NSA2: variants seen among roughly 807,000 people sequenced by gnomAD.
The protein encoded by NSA2 is NSA2 ribosome biogenesis factor, also known as ribosome biogenesis protein NSA2 homolog.
Under a neutral mutation model 34.8 loss-of-function variants are expected in NSA2, and 18 were observed. That is an observed-to-expected ratio of 0.52 (90% CI 0.36 to 0.77). The LOEUF (loss-of-function observed/expected upper bound fraction) is 0.77, where lower values mean the gene tolerates loss of function less well. NSA2 is among the 30% of genes least tolerant of loss of function. The pLI, the probability that NSA2 is intolerant of heterozygous loss-of-function variation, is 0.00. For synonymous variants in NSA2, 79 were observed against 100.2 expected, an observed-to-expected ratio of 0.79 and a Z score of 1.26; for missense variants, 188 against 314.7, an observed-to-expected ratio of 0.60 and a Z score of 3.05.
Position 74,769,077 on chromosome 5 carries a change from C to T in NSA2, c.150C>T (p.Tyr50=). ...TGATTGGTCTGAAGGCTAAGCTTTA[C>T]CATAAACAGCGTCATGCTGAGAAAA... The part of the protein sequence containing the change: ...KKMIGLKAKL[Y]HKQRHAEKIQ... The change falls in exon 2 of 6, where the codon TAC becomes TAT. Residue 50 remains tyrosine, a synonymous_variant. Coordinates refer to ENST00000610426, the MANE Select transcript of NSA2 (RefSeq NM_014886.6). The T allele has an allele frequency of 6.2e-7, 1 of 1,612,060 alleles. No individual in the cohort carries two copies. The highest frequency in any genetic ancestry group is 1.3e-5 in the African/African-American group (1 of 74,854).
At chr5:74,772,967 A>T (rs1744994220) in intron 4 of NSA2, among the ~76,000 whole-genome samples, 1 of 152,210 alleles carries the variant, frequency 6.6e-6, no homozygotes, top group Non-Finnish European at 1.5e-5. Flanking sequence ...AGTTTCTGTA[A>T]CAAAGACTCC....
In NSA2 at chr5:74,773,925, C is replaced by T; in HGVS notation, c.580C>T (p.Leu194=). 6.2e-7 allele frequency: 1 copy of T among 1,613,928 alleles called. No individual in the cohort carries two copies. Among genetic ancestry groups the T allele is most frequent in the Non-Finnish European group, 8.5e-7 (1 of 1,179,856 alleles). ...THPELKATFC[L]PILGVKKNPS... Reference sequence around the variant, plus strand: ...TCCTGAACTGAAAGCCACCTTTTGCCTACCAATACTTGGTGTAAAGAAGAA... The same window carrying T: ...TCCTGAACTGAAAGCCACCTTTTGCTTACCAATACTTGGTGTAAAGAAGAA... The change falls in exon 5 of 6, where the codon CTA becomes TTA. Residue 194 remains leucine (L), a synonymous_variant. Coordinates refer to ENST00000610426, the MANE Select transcript of NSA2 (RefSeq NM_014886.6).
chr5:74,776,043 A>G (rs1580059500), intron 5 of NSA2, among the ~76,000 whole-genome samples: 2 of 152,360 alleles, frequency 1.3e-5, no homozygotes, highest in East Asian at 3.9e-4. Flanking sequence ...AAGCCTGTTA[A>G]TGCAATGTAC....
At chr5:74,774,711 GAGGA>G (rs1745055385) in intron 5 of NSA2, among the ~76,000 whole-genome samples, 1 of 152,002 alleles carries the variant, frequency 6.6e-6, no homozygotes, top group African/African-American at 2.4e-5. Flanking sequence ...ACCATGAGCA[GAGGA>G]AGGGAGGCAT....
In NSA2 at chr5:74,769,585, T is replaced by G. The variant is rs535260157; in HGVS notation, c.342+221T>G. 1.5e-5 allele frequency: 6 copies of G among 396,776 alleles called. No individual in the cohort carries two copies. The East Asian group carries it at 2.6e-4, about 17-fold the overall frequency. The allele number at this position is 396,776 out of a possible 1,614,324, so 24.6% of individuals were successfully genotyped here. ...AAATTTATTAGAATGCCATATGAAA[T>G]TAAAAAGCTGGTAAGGAGTGAATTT... On this transcript the variant is annotated intron_variant, in intron 3 of 5. Coordinates refer to ENST00000610426, the MANE Select transcript of NSA2 (RefSeq NM_014886.6).
At chr5:74,770,517 TTGA>T in intron 3 of NSA2, 111 bp from the exon 4 acceptor site, 2 of 824,662 alleles carry the variant, frequency 2.4e-6, no homozygotes, top group African/African-American at 1.7e-5. Context: ...CAAAAATGTG[TTGA>T]TGGTCAAGCA....
At chr5:74,772,642 C>T (rs1744981062) in intron 4 of NSA2, among the ~76,000 whole-genome samples, 1 of 152,090 alleles carries the variant, frequency 6.6e-6, no homozygotes, top group African/African-American at 2.4e-5. Context: ...ATATCATGGA[C>T]TCGACTTGTT....
At chr5:74,772,147 C>T (rs1238792727) in intron 4 of NSA2, among the ~76,000 whole-genome samples, 11 of 138,908 alleles carry the variant, frequency 7.9e-5, no homozygotes, top group African/African-American at 2.8e-4. Flanking sequence ...TTTTTTGGGA[C>T]GGAGTCTCCC....
At chr5:74,770,499 G>A (rs1431591595) in intron 3 of NSA2, 132 bp from the exon 4 acceptor site, 16 of 650,292 alleles carry the variant, frequency 2.5e-5, no homozygotes, top group Non-Finnish European at 2.9e-5. Flanking sequence ...TCTAGAAGAC[G>A]GTTGAGCCAA....
Position 74,769,302 on chromosome 5 carries a change from G to T in NSA2, c.280G>T (p.Glu94Ter). ...AGTACCTGCCTATCTGCTGGACAGA[G>T]AGGGACAATCTCGAGCTAAAGTACT... ...GAVPAYLLDR[E>*]GQSRAKVLSN... The change falls in exon 3 of 6, where the codon GAG (glutamate) becomes TAG (stop). Residue 94 changes from glutamate (E) to a stop codon, truncating the protein, a stop_gained. Transcript: ENST00000610426. LOFTEE classifies it high-confidence loss of function. 1 of 1,612,982 alleles carries T rather than the reference G, an allele frequency of 6.2e-7. No homozygotes were observed. The highest frequency in any genetic ancestry group is 8.5e-7 in the Non-Finnish European group (1 of 1,179,256).
In NSA2 at chr5:74,778,671, AT is replaced by A. The variant is rs1171040378; in HGVS notation, c.*2003del. The A allele has an allele frequency of 2.6e-5, 4 of 152,046 alleles. No individual in the cohort carries two copies. Among genetic ancestry groups the A allele is most frequent in the Non-Finnish European group, 5.9e-5 (4 of 67,930 alleles). 9.4% of individuals were successfully genotyped at this position (152,046 alleles called of 1,614,324 possible). On this transcript the variant is annotated 3_prime_UTR_variant, in exon 6 of 6. Coordinates refer to ENST00000610426, the MANE Select transcript of NSA2 (RefSeq NM_014886.6). ...TTATAATAAATTCTTAAATATACTA[AT>A]TTCTGTGATGTCTAGCAATTGAATA...
At chr5:74,771,455 A>G (rs1035662661) in intron 4 of NSA2, 3 of 152,190 alleles carry the variant, frequency 2.0e-5, no homozygotes, top group Non-Finnish European at 2.9e-5. Flanking sequence ...CTAGGTCTCA[A>G]AACACTTCTT....
At chr5:74,773,511 G>C (rs531654751) in intron 4 of NSA2, among the ~76,000 whole-genome samples, 1 of 151,134 alleles carries the variant, frequency 6.6e-6, no homozygotes, top group Non-Finnish European at 1.5e-5. Context: ...ATGGTGGTGC[G>C]TGCCTGTAGT....
At chr5:74,768,475 G>A (rs918133894) in intron 1 of NSA2, among the ~76,000 whole-genome samples, 1 of 152,178 alleles carries the variant, frequency 6.6e-6, no homozygotes, top group Non-Finnish European at 1.5e-5. Flanking sequence ...ATTTTAGGGG[G>A]AAATGGAAAT....
At position 74,767,285 on chromosome 5, in the gene NSA2, T is replaced by A; in HGVS notation, c.-76T>A. The A allele has an allele frequency of 6.3e-7, 1 of 1,589,660 alleles. No homozygotes were observed. Among genetic ancestry groups the A allele is most frequent in the Non-Finnish European group, 8.6e-7 (1 of 1,158,858 alleles). On this transcript the variant is annotated 5_prime_UTR_variant, in exon 1 of 6. Transcript: ENST00000610426. ...TCCCGGCCTGCGTGGTGTGGGCTTG[T>A]GGGTCTTTGAGACCCGAAAATTGAG...
rs745763536 is a variant in NSA2 at position 74,769,226 on chromosome 5, T to C, written c.204T>C (p.His68=). The C allele has an allele frequency of 1.9e-6, 3 of 1,606,486 alleles. No individual in the cohort carries two copies. The highest frequency in any genetic ancestry group is 1.7e-5 in the Admixed American group (1 of 58,154). The part of the protein sequence containing the change: ...KIQMKKTIKM[H]EKRNTKQKND... ...TCCTTCTTGGTAGTATCAAGATGCA[T>C]GAAAAGAGAAACACCAAACAAAAGA... is the stretch of plus-strand genomic sequence containing the variant. Residue 68 remains histidine (H), a synonymous_variant, in exon 3 of 6, where the codon CAT becomes CAC. Transcript: ENST00000610426.
chr5:74,777,657 C>T lies in NSA2; in HGVS notation c.*986C>T, dbSNP rs1296073969. 1.3e-5 allele frequency: 2 copies of T among 151,680 alleles called. No individual in the cohort carries two copies. The highest frequency in any genetic ancestry group is 4.8e-5 in the African/African-American group (2 of 41,350). 9.4% of individuals were successfully genotyped at this position (151,680 alleles called of 1,614,324 possible). ...TGATTAATTGTGCCTTTAACAAAGT[C>T]ATTCAATGTCTAAACAAATTCAGTA... On this transcript the variant is annotated 3_prime_UTR_variant, in exon 6 of 6. Coordinates refer to ENST00000610426, the MANE Select transcript of NSA2 (RefSeq NM_014886.6).
At chr5:74,769,180 C>T in intron 2 of NSA2, 34 bp from the exon 3 acceptor site, 2 of 1,593,594 alleles carry the variant, frequency 1.3e-6, no homozygotes, top group Non-Finnish European at 1.7e-6. Context: ...ATTATTAAAA[C>T]AGATAATCTT....
intron 4 of NSA2, among the ~76,000 whole-genome samples, chr5:74,772,124 ATT>A (rs1188382017): frequency 1.8e-4 from 24 of 136,970 alleles, no homozygotes; most frequent in Admixed American, 2.2e-4. Flanking sequence ...AACCTGAGTA[ATT>A]TTTTTTTTTT....
Sources: gnomAD v4.1 joint callset for allele counts (sites outside exome capture counted in the v4.1 genomes callset) on GRCh38, gnomAD v4.1.1 for gene constraint, MANE v1.5 for transcripts, NCBI Gene and HGNC (gene_info 2026-07-23, HGNC 2026-07-21) for gene names.